The following PAK3 variants were observed in gnomAD, a reference collection of about 807,000 sequenced individuals.
PAK3 encodes the protein p21 (RAC1) activated kinase 3.
A neutral mutation model predicts 41.0 loss-of-function variants in PAK3; 4 were observed. The observed-to-expected ratio is 0.10, with a 90% CI of 0.05 to 0.22. The LOEUF (loss-of-function observed/expected upper bound fraction) is 0.22, where lower values mean the gene tolerates loss of function less well. Ranked by LOEUF, PAK3 falls within the 10% of genes least tolerant of loss-of-function variation. The pLI is 1.00. For synonymous variants in PAK3, 146 were observed against 139.6 expected (o/e 1.05, Z -0.32); for missense variants, 205 against 409.9 (o/e 0.50, Z 4.32).
At chrX:111,163,374 G>A (rs952416564) in intron 9 of PAK3, among the ~76,000 whole-genome samples, 188 bp from the exon 10 acceptor site, 2 of 111,326 alleles carry the variant, frequency 1.8e-5, no homozygotes, top group African/African-American at 3.3e-5. Context: ...AGCAAGGCAT[G>A]TATAGGGACA....
At chrX:111,154,481 G>A (rs1288638100) in intron 8 of PAK3, among the ~76,000 whole-genome samples, 1 of 111,405 alleles carries the variant, frequency 9.0e-6, no homozygotes. Context: ...TACGTCTTGT[G>A]TGAATATTAA....
chrX:111,195,297 A>G (rs914846509), intron 14 of PAK3, among the ~76,000 whole-genome samples: 1 of 111,843 alleles, frequency 8.9e-6, no homozygotes, highest in Non-Finnish European at 1.9e-5. Context: ...CATTAAACTT[A>G]CTACCCTGAG....
At chrX:111,080,628 G>C (rs2092826808) in intron 1 of PAK3, among the ~76,000 whole-genome samples, 1 of 111,848 alleles carries the variant, frequency 8.9e-6, no homozygotes, top group African/African-American at 3.3e-5. Context: ...CCTGTACACT[G>C]TTGGTAGGAA....
intron 16 of PAK3, among the ~76,000 whole-genome samples, chrX:111,203,788 C>G (rs2094709623): frequency 8.9e-6 from 1 of 111,885 alleles, no homozygotes; most frequent in African/African-American, 3.2e-5. Flanking sequence ...ATTGGAATGT[C>G]TGGGTTTGAT....
In PAK3 at chrX:111,192,036, C is replaced by G. The variant is rs1001170430; in HGVS notation, c.831-91C>G. 2.0e-5 allele frequency: 11 copies of G among 551,002 alleles called. No homozygotes were observed. The African/African-American group carries it at 2.3e-4, about 12-fold the overall frequency. 45.4% of individuals were successfully genotyped at this position (551,002 alleles called of 1,213,427 possible). ...TCATAATTTTGAGTTTGCTAATTTT[C>G]CTCCCCTCAAAATAATTACATTTTA... On this transcript the variant is annotated intron_variant, in intron 11 of 17. Coordinates refer to ENST00000372007, the MANE Select transcript of PAK3 (RefSeq NM_002578.5).
At chrX:111,097,138 C>A (rs2093017258) in intron 1 of PAK3, among the ~76,000 whole-genome samples, 1 of 109,009 alleles carries the variant, frequency 9.2e-6, no homozygotes, top group Admixed American at 9.8e-5. Flanking sequence ...TCCACTGCCT[C>A]TCCTTCTCTC....
chrX:111,172,708 T>C (rs1007723698), intron 10 of PAK3, among the ~76,000 whole-genome samples: 2 of 111,355 alleles, frequency 1.8e-5, no homozygotes, highest in Non-Finnish European at 3.8e-5. Context: ...GAACTTTTTA[T>C]AGATGTTGGG....
At chrX:111,035,986 G>A (rs948811367) in intron 1 of PAK3, among the ~76,000 whole-genome samples, 4 of 112,351 alleles carry the variant, frequency 3.6e-5, no homozygotes, top group African/African-American at 9.7e-5. Context: ...CCAGTCAATG[G>A]AAGAGACTGA....
intron 4 of PAK3, among the ~76,000 whole-genome samples, chrX:111,104,830 C>T (rs1445070663): frequency 9.0e-6 from 1 of 111,120 alleles, no homozygotes; most frequent in Non-Finnish European, 1.9e-5. Flanking sequence ...ATCATCATTA[C>T]TGTTTTACCA....
chrX:111,031,935 C>T (rs2092345206), intron 1 of PAK3, among the ~76,000 whole-genome samples: 1 of 112,232 alleles, frequency 8.9e-6, no homozygotes, highest in Non-Finnish European at 1.9e-5. Flanking sequence ...TGGCTGATAT[C>T]TTGAAATATC....
intron 1 of PAK3, among the ~76,000 whole-genome samples, chrX:111,060,769 T>C (rs2092649061): frequency 8.9e-6 from 1 of 111,806 alleles, no homozygotes; most frequent in South Asian, 3.7e-4. Flanking sequence ...ATTCTGGATT[T>C]GTCTGATTGT....
intron 1 of PAK3, among the ~76,000 whole-genome samples, chrX:111,011,595 G>A (rs181561046): frequency 3.6e-4 from 41 of 112,443 alleles, no homozygotes; most frequent in Admixed American, 3.6e-3. Context: ...GAATTATTAA[G>A]TGTTTTCAGA....
intron 17 of PAK3, chrX:111,217,541 A>C (rs1364519788): frequency 3.1e-6 from 3 of 968,803 alleles, no homozygotes; most frequent in Non-Finnish European, 4.0e-6. Flanking sequence ...TTGCTTCTGA[A>C]CTCCTTCCAG....
At chrX:110,967,738 AG>A (rs1569497924) in intron 1 of PAK3, among the ~76,000 whole-genome samples, 1 of 112,428 alleles carries the variant, frequency 8.9e-6, no homozygotes, top group Admixed American at 9.4e-5. Flanking sequence ...ATAGATTCAC[AG>A]GAAGTTGCCA....
intron 1 of PAK3, among the ~76,000 whole-genome samples, chrX:111,038,382 G>A (rs966066190): frequency 8.9e-6 from 1 of 111,987 alleles, no homozygotes; most frequent in Non-Finnish European, 1.9e-5. Flanking sequence ...GCCATCCTCT[G>A]CTCACCTGGG....
At chrX:111,161,562 A>G (rs1490423351) in intron 8 of PAK3, among the ~76,000 whole-genome samples, 3 of 110,920 alleles carry the variant, frequency 2.7e-5, no homozygotes, top group Non-Finnish European at 5.7e-5. Context: ...CCTGAATGGT[A>G]TTGCCTAGGT....
intron 1 of PAK3, among the ~76,000 whole-genome samples, chrX:110,997,086 C>T (rs1016896200): frequency 2.7e-5 from 3 of 111,326 alleles, no homozygotes; most frequent in Non-Finnish European, 5.7e-5. Context: ...GTGCAAAGGT[C>T]CTAAGACTGT....
intron 10 of PAK3, among the ~76,000 whole-genome samples, chrX:111,167,347 TAC>T (rs1335100427): frequency 9.0e-6 from 1 of 110,795 alleles, no homozygotes; most frequent in Non-Finnish European, 1.9e-5. Context: ...CAATATCCCA[TAC>T]CAGAGTGGAC....
chrX:111,008,966 G>C (rs1291168098), intron 1 of PAK3, among the ~76,000 whole-genome samples: 4 of 110,928 alleles, frequency 3.6e-5, no homozygotes, highest in Non-Finnish European at 7.6e-5. Context: ...CCAAGCCAGA[G>C]CCAGTGTCTG....
Sources: gnomAD v4.1 joint callset for allele counts (sites outside exome capture counted in the v4.1 genomes callset) on GRCh38, gnomAD v4.1.1 for gene constraint, MANE v1.5 for transcripts, NCBI Gene and HGNC (gene_info 2026-07-23, HGNC 2026-07-21) for gene names.